Variants in LRRC4C observed in about 807,000 individuals in gnomAD.
LRRC4C encodes the protein leucine-rich repeat-containing protein 4C.
LRRC4C carries 5 observed loss-of-function variants against 33.6 expected under a neutral mutation model. The ratio of observed to expected loss-of-function variants is 0.15; its 90% confidence interval spans 0.08 to 0.31. The LOEUF (loss-of-function observed/expected upper bound fraction) is 0.31, where lower values mean the gene tolerates loss of function less well. LRRC4C is among the 10% of genes least tolerant of loss of function. LRRC4C has a pLI of 1.00. For missense variants in LRRC4C, 560 were observed against 796.7 expected (o/e 0.70, Z 3.58); for synonymous variants, 329 against 302.0 (o/e 1.09, Z -0.93).
At chr11:40,450,748 C>T (rs1237939956) in intron 3 of LRRC4C, among the ~76,000 whole-genome samples, 2 of 144,044 alleles carry the variant, frequency 1.4e-5, no homozygotes, top group Admixed American at 7.0e-5. Flanking sequence ...ACCTATACAA[C>T]AAACTGGCAC....
chr11:41,043,372 G>C (rs1371789037), intron 1 of LRRC4C, among the ~76,000 whole-genome samples: 1 of 152,028 alleles, frequency 6.6e-6, no homozygotes, highest in Non-Finnish European at 1.5e-5. Context: ...GCTGATTGTG[G>C]CTAAGGCTAC....
At chr11:40,222,942 C>T (rs528481944) in intron 5 of LRRC4C, among the ~76,000 whole-genome samples, 1 of 152,078 alleles carries the variant, frequency 6.6e-6, no homozygotes, top group Admixed American at 6.6e-5. Context: ...AACACTTTAG[C>T]AAGAGCAGGA....
intron 1 of LRRC4C, among the ~76,000 whole-genome samples, chr11:41,223,200 T>C (rs143402725): frequency 0.011 from 1,628 of 152,228 alleles, 30 homozygotes; most frequent in African/African-American, 0.036. Flanking sequence ...TTAAGAGACA[T>C]AGAGAGTCAT....
intron 3 of LRRC4C, among the ~76,000 whole-genome samples, chr11:40,438,916 T>G (rs1442162093): frequency 6.7e-6 from 1 of 149,084 alleles, no homozygotes; most frequent in Non-Finnish European, 1.5e-5. Flanking sequence ...GGTTAATTTA[T>G]GAATTGCTAC....
chr11:40,666,972 A>G (rs1010220775), intron 2 of LRRC4C, among the ~76,000 whole-genome samples: 1 of 152,190 alleles, frequency 6.6e-6, no homozygotes, highest in African/African-American at 2.4e-5. Flanking sequence ...TCAAATTGCC[A>G]TCAATGGTTT....
rs1356195989 is a variant in LRRC4C at position 40,884,345 on chromosome 11, G to C, written c.-407+49290C>G. 2.6e-5 allele frequency among the ~76,000 whole-genome samples: 4 copies of C among 152,004 alleles called. No individual in the cohort carries two copies. The East Asian group carries it at 5.8e-4, about 22-fold the overall frequency. On this transcript the variant is annotated intron_variant, in intron 2 of 6. Coordinates refer to ENST00000528697, the MANE Select transcript of LRRC4C (RefSeq NM_001258419.2). ...GCATTTGGGTTGGTTCCAAGTCTTTGCTATTGTAAATAGTGCTGCAATAAA... is the reference window on the plus strand; with the variant it reads ...GCATTTGGGTTGGTTCCAAGTCTTTCCTATTGTAAATAGTGCTGCAATAAA...
chr11:40,540,921 C>G (rs1294894515), intron 3 of LRRC4C, among the ~76,000 whole-genome samples: 1 of 152,080 alleles, frequency 6.6e-6, no homozygotes, highest in Non-Finnish European at 1.5e-5. Context: ...CCCCAAAAGT[C>G]CATTTTAATC....
intron 2 of LRRC4C, among the ~76,000 whole-genome samples, chr11:40,870,219 T>C (rs943617538): frequency 6.6e-6 from 1 of 152,206 alleles, no homozygotes; most frequent in Non-Finnish European, 1.5e-5. Context: ...GAATATTTTA[T>C]AGTTTTCAAA....
intron 1 of LRRC4C, among the ~76,000 whole-genome samples, chr11:41,154,909 T>C (rs1243112451): frequency 6.6e-6 from 1 of 152,150 alleles, no homozygotes; most frequent in African/African-American, 2.4e-5. Flanking sequence ...ACGATTATTT[T>C]GTGGTTGCGC....
intron 2 of LRRC4C, among the ~76,000 whole-genome samples, chr11:40,871,375 C>T (rs1235577013): frequency 6.6e-6 from 1 of 152,048 alleles, no homozygotes; most frequent in Non-Finnish European, 1.5e-5. Flanking sequence ...GGGGGCATCA[C>T]AGAACCTGCC....
intron 3 of LRRC4C, among the ~76,000 whole-genome samples, chr11:40,418,914 G>T (rs529531362): frequency 7.9e-5 from 12 of 152,250 alleles, no homozygotes; most frequent in African/African-American, 2.6e-4. Flanking sequence ...GTAAGTGGGA[G>T]CTAAACAATG....
chr11:40,462,568 G>A (rs937544846), intron 3 of LRRC4C, among the ~76,000 whole-genome samples: 4 of 152,036 alleles, frequency 2.6e-5, no homozygotes, highest in South Asian at 4.1e-4. Flanking sequence ...CAGATAATAG[G>A]ATTTCTGTTC....
chr11:40,449,873 T>C (rs1951809192), intron 3 of LRRC4C, among the ~76,000 whole-genome samples: 1 of 152,174 alleles, frequency 6.6e-6, no homozygotes, highest in African/African-American at 2.4e-5. Flanking sequence ...TGGAGAAATA[T>C]ATTTTCAGGT....
chr11:40,495,312 T>A (rs1171414278), intron 3 of LRRC4C, among the ~76,000 whole-genome samples: 1 of 151,768 alleles, frequency 6.6e-6, no homozygotes, highest in South Asian at 2.1e-4. Context: ...CAGAAAAAAA[T>A]TAATAAATTT....
At chr11:40,564,426 A>G (rs1048547139) in intron 3 of LRRC4C, among the ~76,000 whole-genome samples, 1 of 152,188 alleles carries the variant, frequency 6.6e-6, no homozygotes, top group African/African-American at 2.4e-5. Context: ...CATCCAGTCC[A>G]TCGTAAATGC....
intron 3 of LRRC4C, among the ~76,000 whole-genome samples, chr11:40,532,370 G>A (rs1225271024): frequency 6.6e-6 from 1 of 151,722 alleles, no homozygotes; most frequent in South Asian, 2.1e-4. Flanking sequence ...CAACTTCTAA[G>A]GGCATTCAAA....
At chr11:40,166,756 T>C (rs548565371) in intron 5 of LRRC4C, among the ~76,000 whole-genome samples, 1 of 152,280 alleles carries the variant, frequency 6.6e-6, no homozygotes, top group Non-Finnish European at 1.5e-5. Flanking sequence ...AATCAATTTA[T>C]AGATTGTAAC....
intron 2 of LRRC4C, among the ~76,000 whole-genome samples, chr11:40,848,653 A>C (rs1251684580): frequency 1.3e-5 from 2 of 152,172 alleles, no homozygotes; most frequent in African/African-American, 4.8e-5. Context: ...GTAGATGTCT[A>C]CTAGGTCTGG....
chr11:41,056,101 A>T (rs925724718), intron 1 of LRRC4C, among the ~76,000 whole-genome samples: 1 of 152,138 alleles, frequency 6.6e-6, no homozygotes, highest in Non-Finnish European at 1.5e-5. Context: ...CTCTAGAAAT[A>T]TCAATCACTC....
Sources: gnomAD v4.1 joint callset for allele counts (sites outside exome capture counted in the v4.1 genomes callset) on GRCh38, gnomAD v4.1.1 for gene constraint, MANE v1.5 for transcripts, NCBI Gene and HGNC (gene_info 2026-07-23, HGNC 2026-07-21) for gene names.